The following FRMD6 variants were observed in gnomAD, a reference collection of about 807,000 sequenced individuals.
The protein encoded by FRMD6 is FERM domain containing 6.
A neutral mutation model predicts 73.2 loss-of-function variants in FRMD6; 37 were observed. The observed-to-expected ratio is 0.51, with a 90% CI of 0.39 to 0.66. FRMD6 has a LOEUF of 0.66. FRMD6 is among the 30% of genes least tolerant of loss of function. The probability of loss-of-function intolerance (pLI) is 0.00; values close to 1 mark genes in which losing one functional copy is unlikely to be tolerated. For missense variants in FRMD6, 714 were observed against 780.5 expected, an observed-to-expected ratio of 0.91 and a Z score of 1.02; for synonymous variants, 273 against 282.2, an observed-to-expected ratio of 0.97 and a Z score of 0.33.
chr14:51,628,231 G>A (rs932759346), intron 2 of FRMD6, among the ~76,000 whole-genome samples: 2 of 152,100 alleles, frequency 1.3e-5, no homozygotes, highest in African/African-American at 4.8e-5. Context: ...ATATTCTCCA[G>A]TCTCTGAATG....
rs546417105 is a variant in FRMD6, at chr14:51,577,596, G to A, written c.-147+7186G>A. Reference sequence around the variant, plus strand: ...ATAATTGCTATAGATCTGGATAATTGGTACATTTAAAGTACTATGACAGTA... The same window carrying A: ...ATAATTGCTATAGATCTGGATAATTAGTACATTTAAAGTACTATGACAGTA... On this transcript the variant is annotated intron_variant, in intron 2 of 14. Coordinates refer to the FRMD6 transcript ENST00000356218. 5.5e-4 allele frequency among the ~76,000 whole-genome samples: 83 copies of A among 152,200 alleles called. 1 individual carries two copies. Among genetic ancestry groups the A allele is most frequent in the African/African-American group, 1.9e-3 (80 of 41,514 alleles).
chr14:51,533,983 T>C (rs540928694), intron 1 of FRMD6, among the ~76,000 whole-genome samples: 9 of 152,246 alleles, frequency 5.9e-5, no homozygotes, highest in Non-Finnish European at 1.3e-4. Flanking sequence ...AACAGCAGAA[T>C]TGCAGCTTCT....
chr14:51,640,360 T>A (rs942030489), intron 2 of FRMD6, among the ~76,000 whole-genome samples: 1 of 152,216 alleles, frequency 6.6e-6, no homozygotes, highest in Non-Finnish European at 1.5e-5. Context: ...TGTTTTAGTA[T>A]AAGCATCAAC....
intron 1 of FRMD6, among the ~76,000 whole-genome samples, chr14:51,556,832 G>C (rs1413203374): frequency 2.7e-5 from 3 of 110,134 alleles, no homozygotes; most frequent in African/African-American, 1.2e-4. Context: ...ATAATCCATA[G>C]CTTCAACCAA....
the FRMD6 span, among the ~76,000 whole-genome samples, chr14:51,435,731 A>G: frequency 6.6e-6 from 1 of 152,136 alleles, no homozygotes; most frequent in Middle Eastern, 3.2e-3. Context: ...AGTGTTCTAT[A>G]GCACTGTGGG....
intron 2 of FRMD6, 112 bp from the exon 3 acceptor site, chr14:51,698,030 T>C: frequency 1.5e-6 from 1 of 676,876 alleles, no homozygotes; most frequent in Non-Finnish European, 2.6e-6. Context: ...TTTTCTACTG[T>C]CAGCTTGTCC....
At chr14:51,569,239 A>C (rs1486898700) in intron 1 of FRMD6, among the ~76,000 whole-genome samples, 1 of 152,188 alleles carries the variant, frequency 6.6e-6, no homozygotes, top group African/African-American at 2.4e-5. Context: ...TGGTTCTCAG[A>C]GTTTCCCAAA....
the FRMD6 span, among the ~76,000 whole-genome samples, chr14:51,467,779 C>T: frequency 6.7e-6 from 1 of 150,188 alleles, no homozygotes; most frequent in East Asian, 2.0e-4. Flanking sequence ...GGATGACGGC[C>T]AGGAAGAGGC....
At position 51,721,975 on chromosome 14, in the gene FRMD6, C is replaced by T. The variant is rs150840333; in HGVS notation, c.1387C>T (p.Arg463Trp). ...DEIEMLVDDP[R>W]DLEQMNEESL... The stretch of plus-strand genomic sequence containing the variant: ...AATAGAGATGTTGGTTGATGACCCC[C>T]GGGATCTGGAGCAGATGAATGAAGA... Residue 463 changes from arginine (R) to tryptophan (W), a missense_variant, in exon 12 of 14, where the codon CGG becomes TGG. Coordinates refer to ENST00000344768, the MANE Select transcript of FRMD6 (RefSeq NM_001267046.2). 1.0e-4 allele frequency: 169 copies of T among 1,614,072 alleles called. No individual in the cohort carries two copies. The highest frequency in any genetic ancestry group is 9.0e-4 in the Admixed American group (54 of 60,024).
At chr14:51,664,417 A>G (rs1893431405) in intron 1 of FRMD6, among the ~76,000 whole-genome samples, 1 of 152,232 alleles carries the variant, frequency 6.6e-6, no homozygotes, top group South Asian at 2.1e-4. Flanking sequence ...ACTGTCATCA[A>G]AATGAATCAA....
upstream of FRMD6, among the ~76,000 whole-genome samples, chr14:51,486,967 G>C (rs1882775516): frequency 6.6e-6 from 1 of 150,874 alleles, no homozygotes; most frequent in Non-Finnish European, 1.5e-5. Context: ...AAGTACTGGA[G>C]AAATGTTGTT....
intron 1 of FRMD6, among the ~76,000 whole-genome samples, chr14:51,567,635 C>T (rs1887846731): frequency 6.6e-6 from 1 of 152,224 alleles, no homozygotes; most frequent in Admixed American, 6.5e-5. Flanking sequence ...CCACTATGCC[C>T]CGTCCCACCC....
chr14:51,640,040 T>G lies in FRMD6; in HGVS notation c.-146-49651T>G, dbSNP rs1166352745. ...ATGCAATTATGTTATTCACTAAGAC[T>G]GGTAGGTTCCAGTGCTTTCTTTAGT... On this transcript the variant is annotated intron_variant, in intron 2 of 14. Transcript: ENST00000356218. Among the ~76,000 whole-genome samples, 2 of 152,220 alleles carry G rather than the reference T, an allele frequency of 1.3e-5. 1 individual carries two copies. The highest frequency in any genetic ancestry group is 4.8e-5 in the African/African-American group (2 of 41,454).
At chr14:51,690,062 T>A (rs1241128946) in intron 2 of FRMD6, 127 bp downstream of exon 2, 1 of 710,236 alleles carries the variant, frequency 1.4e-6, no homozygotes. Flanking sequence ...CAGAATTGGG[T>A]TGTCAAATAG....
the FRMD6 span, among the ~76,000 whole-genome samples, chr14:51,459,605 A>G: frequency 2.4e-4 from 36 of 152,160 alleles, no homozygotes; most frequent in African/African-American, 8.7e-4. Flanking sequence ...AGGTGGGCGG[A>G]TCACGAGGTC....
chr14:51,556,122 T>G (rs1887116537), intron 1 of FRMD6, among the ~76,000 whole-genome samples: 1 of 152,226 alleles, frequency 6.6e-6, no homozygotes, highest in Non-Finnish European at 1.5e-5. Context: ...TTTTGGTGAA[T>G]TAGTTAAACA....
At chr14:51,722,197 A>C in intron 12 of FRMD6, 117 bp downstream of exon 12, 1 of 995,732 alleles carries the variant, frequency 1.0e-6, no homozygotes, top group East Asian at 2.4e-5. Flanking sequence ...ACTGGACTGC[A>C]CTAAGAGTCT....
At chr14:51,453,466 C>A in the FRMD6 span, among the ~76,000 whole-genome samples, 1 of 152,174 alleles carries the variant, frequency 6.6e-6, no homozygotes, top group African/African-American at 2.4e-5. Flanking sequence ...AAGACACCCT[C>A]AGCCGCTACT....
chr14:51,688,743 C>T lies in FRMD6; in HGVS notation c.-146-948C>T, dbSNP rs528461217. On this transcript the variant is annotated intron_variant, in intron 1 of 13. Coordinates refer to ENST00000344768, the MANE Select transcript of FRMD6 (RefSeq NM_001267046.2). ...TCTATTAGCAACAATATATGAAATACTAGACACACCCATTAAAAGTAGAAA... is the reference window on the plus strand; with the variant it reads ...TCTATTAGCAACAATATATGAAATATTAGACACACCCATTAAAAGTAGAAA... Among the ~76,000 whole-genome samples, 5 of 152,240 alleles carry T rather than the reference C, an allele frequency of 3.3e-5. 1 individual carries two copies. In the Middle Eastern group the frequency reaches 0.017, roughly 521 times the overall value.
Sources: allele counts gnomAD v4.1 joint callset (sites outside exome capture counted in the v4.1 genomes callset), GRCh38; gene constraint gnomAD v4.1.1; transcripts MANE v1.5; gene names NCBI Gene and HGNC (gene_info 2026-07-23, HGNC 2026-07-21).